The following NLRP13 variants were observed in gnomAD, a reference collection of about 807,000 sequenced individuals.
The protein encoded by NLRP13 is NLR family pyrin domain containing 13.
Under a neutral mutation model 94.4 loss-of-function variants are expected in NLRP13, and 82 were observed. The ratio of observed to expected loss-of-function variants is 0.87; its 90% CI spans 0.73 to 1.04. The LOEUF is 1.04. Ranked by LOEUF, NLRP13 falls within the 50% of genes least tolerant of loss-of-function variation. The probability of loss-of-function intolerance (pLI) is 0.00; values close to 1 mark genes in which losing one functional copy is unlikely to be tolerated. For missense variants in NLRP13, 1,426 were observed against 1,230.8 expected (o/e 1.16, Z -2.37); for synonymous variants, 553 against 464.7 (o/e 1.19, Z -2.45).
intron 6 of NLRP13, 152 bp from the exon 7 acceptor site, chr19:55,908,108 T>A: frequency 1.6e-6 from 1 of 626,880 alleles, no homozygotes; most frequent in East Asian, 3.2e-5. Context: ...GCCATGGTAC[T>A]GGACCTTGAA....
At chr19:55,918,923 A>C (rs1213180527) in intron 4 of NLRP13, among the ~76,000 whole-genome samples, 1 of 152,052 alleles carries the variant, frequency 6.6e-6, no homozygotes, top group African/African-American at 2.4e-5. Flanking sequence ...GGACACAAAA[A>C]GACAACTGCA....
At chr19:55,908,367 AG>A (rs1242542175) in intron 6 of NLRP13, among the ~76,000 whole-genome samples, 2 of 152,202 alleles carry the variant, frequency 1.3e-5, no homozygotes, top group African/African-American at 2.4e-5. Context: ...TACGACCAAA[AG>A]TTTAATATTA....
downstream of NLRP13, chr19:55,892,099 C>T (rs1335004233): frequency 2.4e-6 from 3 of 1,231,878 alleles, no homozygotes; most frequent in African/African-American, 1.6e-5. Flanking sequence ...TCTCTCACTA[C>T]ATTGTGCAGG....
chr19:55,894,636 C>T (rs1034644908), downstream of NLRP13, among the ~76,000 whole-genome samples: 6 of 152,174 alleles, frequency 3.9e-5, no homozygotes, highest in Non-Finnish European at 8.8e-5. Flanking sequence ...TATCTCAACC[C>T]AGAGTTTCTT....
At chr19:55,908,220 GC>G (rs1986409859) in intron 6 of NLRP13, among the ~76,000 whole-genome samples, 1 of 152,084 alleles carries the variant, frequency 6.6e-6, no homozygotes, top group Non-Finnish European at 1.5e-5. Flanking sequence ...CTAGAGACCT[GC>G]CATGAAGAGG....
intron 6 of NLRP13, among the ~76,000 whole-genome samples, chr19:55,908,657 G>C (rs1393445964): frequency 6.6e-6 from 1 of 152,166 alleles, no homozygotes; most frequent in Admixed American, 6.5e-5. Context: ...TCATCCTTAG[G>C]AAGCTAATGC....
chr19:55,894,102 A>G (rs1206028904), downstream of NLRP13, among the ~76,000 whole-genome samples: 1 of 138,766 alleles, frequency 7.2e-6, no homozygotes, highest in East Asian at 2.1e-4. Context: ...GCTGGAGTGC[A>G]TGATCATGGC....
intron 9 of NLRP13, among the ~76,000 whole-genome samples, chr19:55,899,196 G>A (rs990541522): frequency 6.6e-6 from 1 of 152,106 alleles, no homozygotes; most frequent in African/African-American, 2.4e-5. Context: ...AACGTGAAGG[G>A]CCTCTCTGTG....
chr19:55,895,151 G>A (rs968978327), downstream of NLRP13, among the ~76,000 whole-genome samples: 3 of 151,066 alleles, frequency 2.0e-5, no homozygotes, highest in Non-Finnish European at 4.4e-5. Flanking sequence ...CAGCACTTTG[G>A]GAGGCGGGCC....
In NLRP13 at chr19:55,915,086, G is replaced by T. The variant is rs371192722; in HGVS notation, c.524-1793C>A. On this transcript the variant is annotated intron_variant, in intron 4 of 10. Transcript: ENST00000342929. ...GGGAAAGGAGAAATTTTGAGCAAAG[G>T]GTACAAAGTTTCAGGTAGACAAGAG... Among the ~76,000 whole-genome samples the T allele has an allele frequency of 9.2e-5, 14 of 152,202 alleles. 1 individual carries two copies. The South Asian group carries it at 1.2e-3, about 14-fold the overall frequency.
chr19:55,912,827 C>T lies in NLRP13; in HGVS notation c.990G>A (p.Ser330=), dbSNP rs116162869. Reference sequence around the variant, plus strand: ...GCTCCTGGTACCAGTCTGTACATGGCGAGCCATCATCCAAGCTCTCAGAGC... The same window carrying T: ...GCTCCTGGTACCAGTCTGTACATGGTGAGCCATCATCCAAGCTCTCAGAGC... The part of the protein sequence containing the change: ...ESRSESLDDG[S]PCTDWYQELP... The change falls in exon 5 of 11, where the codon TCG becomes TCA. Residue 330 remains serine (S), a synonymous_variant. Coordinates refer to ENST00000342929, the MANE Select transcript of NLRP13 (RefSeq NM_176810.2). 1.9e-3 allele frequency: 2,989 copies of T among 1,614,044 alleles called. 56 individuals carry two copies. The African/African-American group carries it at 0.035, about 19-fold the overall frequency.
chr19:55,920,987 A>G (rs1013473886), intron 4 of NLRP13, among the ~76,000 whole-genome samples: 1 of 152,200 alleles, frequency 6.6e-6, no homozygotes, highest in Non-Finnish European at 1.5e-5. Context: ...ACTGGAGGCC[A>G]TTATCTTAAG....
Position 55,924,630 on chromosome 19 carries a change from A to C in NLRP13, c.417T>G (p.Asp139Glu). The change falls in exon 3 of 11, where the codon GAT becomes GAG. Residue 139 changes from aspartate (D) to glutamate (E), a missense_variant. By Grantham distance (45) the Asp-to-Glu change is conservative. Coordinates refer to ENST00000342929, the MANE Select transcript of NLRP13 (RefSeq NM_176810.2). The stretch of plus-strand genomic sequence containing the variant: ...GCTCGTCTAGTTCTTCTTGGTTTGG[A>C]TCTTGGCATCCCTGGGTCTGCATAT... ...AGNMQTQGCQ[D>E]PNQEELDELE... The C allele has an allele frequency of 6.2e-7, 1 of 1,613,526 alleles. No homozygotes were observed.
intron 5 of NLRP13, among the ~76,000 whole-genome samples, chr19:55,911,336 A>T (rs1282019232): frequency 6.6e-6 from 1 of 152,010 alleles, no homozygotes; most frequent in Non-Finnish European, 1.5e-5. Flanking sequence ...GGCTCAAGCA[A>T]TCCTCCCACC....
rs755081628 is a variant in NLRP13, at chr19:55,912,456, C to G, written c.1361G>C (p.Ser454Thr). 2.5e-6 allele frequency: 4 copies of G among 1,614,202 alleles called. No homozygotes were observed. Among genetic ancestry groups the G allele is most frequent in the Non-Finnish European group, 2.5e-6 (3 of 1,180,042 alleles). Residue 454 changes from serine (S) to threonine (T), a missense_variant, in exon 5 of 11, where the codon AGT (serine) becomes ACT (threonine). Physicochemically the swap from Ser to Thr is moderately conservative, Grantham distance 58. Transcript: ENST00000342929. ...DLQSITQTTT[S>T]LYAYFFSNLF... ...GTTGGAGAAAAAATAGGCATACAGACTGGTGGTAGTCTGAGTGATTGACTG... is the reference window on the plus strand; with the variant it reads ...GTTGGAGAAAAAATAGGCATACAGAGTGGTGGTAGTCTGAGTGATTGACTG...
chr19:55,914,361 G>A (rs1367821988), intron 4 of NLRP13, among the ~76,000 whole-genome samples: 1 of 152,144 alleles, frequency 6.6e-6, no homozygotes, highest in East Asian at 1.9e-4. Context: ...GAAAACCAAG[G>A]AATGAGATGC....
intron 1 of NLRP13, among the ~76,000 whole-genome samples, chr19:55,927,002 T>G (rs1986980898): frequency 6.6e-6 from 1 of 150,414 alleles, no homozygotes. Context: ...AGAAAAGGGG[T>G]AGCAACCTAA....
chr19:55,909,733 T>C (rs1361367511), intron 6 of NLRP13, among the ~76,000 whole-genome samples: 1 of 152,182 alleles, frequency 6.6e-6, no homozygotes, highest in Non-Finnish European at 1.5e-5. Context: ...GAAATACATG[T>C]CCAGAATTGG....
rs1468023647 is a variant in NLRP13, at chr19:55,931,722, A to AGAAAGAAAGAAAGACAGAAAGAAAGACAG, written c.319+270_319+271insCTGTCTTTCTTTCTGTCTTTCTTTCTTTC. ...GAGACTCAGGCTCAAAAAAAAAAAA[A>AGAAAGAAAGAAAGACAGAAAGAAAGACAG]AAAGAAAGAAAGAAAGAAAGAAAAA... On this transcript the variant is annotated intron_variant, in intron 1 of 10. Coordinates refer to ENST00000342929, the MANE Select transcript of NLRP13 (RefSeq NM_176810.2). 5.3e-4 allele frequency among the ~76,000 whole-genome samples: 57 copies of AGAAAGAAAGAAAGACAGAAAGAAAGACAG among 107,394 alleles called. 5 individuals are homozygous for AGAAAGAAAGAAAGACAGAAAGAAAGACAG. Among genetic ancestry groups the AGAAAGAAAGAAAGACAGAAAGAAAGACAG allele is most frequent in the African/African-American group, 2.0e-3 (55 of 28,084 alleles). 70.5% of individuals were successfully genotyped at this position (107,394 alleles called of 152,430 possible).
Sources: gnomAD v4.1 joint callset for allele counts (sites outside exome capture counted in the v4.1 genomes callset) on GRCh38, gnomAD v4.1.1 for gene constraint, MANE v1.5 for transcripts, NCBI Gene and HGNC (gene_info 2026-07-23, HGNC 2026-07-21) for gene names.